Variants in RASGRF2 observed in about 807,000 individuals in gnomAD.
The protein encoded by RASGRF2 is Ras protein specific guanine nucleotide releasing factor 2, also known as ras-specific guanine nucleotide-releasing factor 2.
In RASGRF2, 76 loss-of-function variants were observed where a neutral mutation model predicts 151.0. The observed-to-expected ratio is 0.50, with a 90% CI of 0.42 to 0.61. The LOEUF is 0.61. Ranked by LOEUF, RASGRF2 falls within the 20% of genes least tolerant of loss-of-function variation. RASGRF2 has a pLI of 0.00. For synonymous variants in RASGRF2, 504 were observed against 566.5 expected (o/e 0.89, Z 1.57); for missense variants, 1,148 against 1,564.6 (o/e 0.73, Z 4.49).
intron 2 of RASGRF2, among the ~76,000 whole-genome samples, chr5:81,055,315 T>C (rs1751160485): frequency 6.6e-6 from 1 of 152,176 alleles, no homozygotes; most frequent in South Asian, 2.1e-4. Flanking sequence ...ATACCTAATT[T>C]ATTGAGAGTT....
At chr5:81,166,628 G>A (rs1166966413) in intron 17 of RASGRF2, among the ~76,000 whole-genome samples, 3 of 149,078 alleles carry the variant, frequency 2.0e-5, no homozygotes, top group East Asian at 4.0e-4. Context: ...GTGCACAGAC[G>A]GGAGGGATTT....
chr5:81,200,931 G>T (rs565196975), intron 18 of RASGRF2, among the ~76,000 whole-genome samples: 1 of 152,164 alleles, frequency 6.6e-6, no homozygotes, highest in South Asian at 2.1e-4. Flanking sequence ...CAGTGTGAGT[G>T]TGTTGGGGGC....
At chr5:81,160,708 A>G (rs1387489085) in intron 17 of RASGRF2, among the ~76,000 whole-genome samples, 1 of 148,356 alleles carries the variant, frequency 6.7e-6, no homozygotes, top group African/African-American at 2.5e-5. Flanking sequence ...AATAATAATA[A>G]TAATAATAAT....
chr5:81,205,725 C>T (rs955541981), intron 19 of RASGRF2, among the ~76,000 whole-genome samples: 5 of 151,930 alleles, frequency 3.3e-5, no homozygotes, highest in Admixed American at 6.6e-5. Flanking sequence ...GGTTTGGGAC[C>T]GTTTAACTAT....
intron 17 of RASGRF2, among the ~76,000 whole-genome samples, chr5:81,163,915 G>A (rs1754445047): frequency 6.6e-6 from 1 of 152,158 alleles, no homozygotes. Flanking sequence ...TACTTCATGA[G>A]GTTAGTGTGG....
chr5:81,006,605 C>T (rs912329682), intron 1 of RASGRF2, among the ~76,000 whole-genome samples: 9 of 152,114 alleles, frequency 5.9e-5, no homozygotes, highest in African/African-American at 2.2e-4. Flanking sequence ...ATGCTTATTC[C>T]CTTTGCTGGG....
chr5:81,099,947 G>T (rs1236578918), intron 12 of RASGRF2, among the ~76,000 whole-genome samples: 2 of 130,866 alleles, frequency 1.5e-5, no homozygotes, highest in Non-Finnish European at 1.5e-5. Flanking sequence ...TCGCCCTGTC[G>T]CCCAGGCTGG....
Position 81,089,337 on chromosome 5 carries a change from C to CGT in RASGRF2, c.1390+2398_1390+2399dup, listed in dbSNP as rs139154322. Among the ~76,000 whole-genome samples the CGT allele has an allele frequency of 2.3e-3, 351 of 150,262 alleles. 2 individuals carry two copies. The highest frequency in any genetic ancestry group is 0.019 in the South Asian group (93 of 4,772). On this transcript the variant is annotated intron_variant, in intron 9 of 26. Transcript: ENST00000265080. ...ATGATATGTGGTCTATTTCTATGTGCGTGTGTGTGTGTGTGCATGCGTGCA... is the reference window on the plus strand; with the variant it reads ...ATGATATGTGGTCTATTTCTATGTGCGTGTGTGTGTGTGTGTGCATGCGTGCA...
intron 23 of RASGRF2, among the ~76,000 whole-genome samples, chr5:81,213,819 G>A (rs1233879195): frequency 6.6e-6 from 1 of 151,812 alleles, no homozygotes; most frequent in Non-Finnish European, 1.5e-5. Context: ...CAATGGACCT[G>A]GTAAATAAAA....
intron 23 of RASGRF2, among the ~76,000 whole-genome samples, chr5:81,214,139 C>T (rs1032690016): frequency 2.0e-5 from 3 of 152,194 alleles, no homozygotes; most frequent in Non-Finnish European, 2.9e-5. Context: ...ATATTCTTGT[C>T]TTTGATAGGA....
Position 81,092,904 on chromosome 5 carries a change from T to C in RASGRF2, c.1494T>C (p.Phe498=). Residue 498 remains phenylalanine (F), a synonymous_variant, in exon 10 of 27, where the codon TTT becomes TTC. Transcript: ENST00000265080. The stretch of plus-strand genomic sequence containing the variant: ...AAGGAGAGAGACAATGCTTCTTATT[T>C]ACAAAACACTTTTTAATATGTACAA... ...KKEGERQCFL[F]TKHFLICTRS... 6.2e-7 allele frequency: 1 copy of C among 1,613,118 alleles called. No homozygotes were observed. The highest frequency in any genetic ancestry group is 1.1e-5 in the South Asian group (1 of 91,044).
chr5:81,060,671 A>C (rs1751402803), intron 2 of RASGRF2, among the ~76,000 whole-genome samples: 1 of 152,158 alleles, frequency 6.6e-6, no homozygotes, highest in Admixed American at 6.5e-5. Context: ...TGACTCAAAG[A>C]ATCAATTTGG....
intron 26 of RASGRF2, among the ~76,000 whole-genome samples, chr5:81,223,643 A>G (rs1229665289): frequency 2.7e-5 from 4 of 146,062 alleles, no homozygotes; most frequent in Admixed American, 1.4e-4. Context: ...TCCGTCTCAG[A>G]AAAAAAAAAA....
chr5:81,031,440 A>G (rs529891054), intron 1 of RASGRF2, among the ~76,000 whole-genome samples: 3 of 152,352 alleles, frequency 2.0e-5, no homozygotes, highest in Admixed American at 6.5e-5. Flanking sequence ...AGAAATTATA[A>G]CAAACTGTCT....
At chr5:81,102,273 G>A (rs1039304823) in intron 12 of RASGRF2, among the ~76,000 whole-genome samples, 1 of 152,194 alleles carries the variant, frequency 6.6e-6, no homozygotes, top group African/African-American at 2.4e-5. Context: ...TCTATTTAAA[G>A]TCTGGGCATT....
intron 1 of RASGRF2, among the ~76,000 whole-genome samples, chr5:81,028,415 G>A (rs571683630): frequency 6.6e-6 from 1 of 151,624 alleles, no homozygotes; most frequent in Non-Finnish European, 1.5e-5. Context: ...CTGGTAATCT[G>A]GTGTTTTAGA....
At chr5:81,094,268 T>C in intron 10 of RASGRF2, 28 bp from the exon 11 acceptor site, 1 of 1,589,698 alleles carries the variant, frequency 6.3e-7, no homozygotes, top group Non-Finnish European at 8.6e-7. Flanking sequence ...ACCTTCAGCG[T>C]CTTAGTGAAA....
At position 81,128,298 on chromosome 5, in the gene RASGRF2, A is replaced by G. The variant is rs529494829; in HGVS notation, c.2686+1135A>G. Among the ~76,000 whole-genome samples the G allele has an allele frequency of 2.6e-5, 4 of 152,312 alleles. No individual in the cohort carries two copies. The East Asian group carries it at 5.8e-4, about 22-fold the overall frequency. On this transcript the variant is annotated intron_variant, in intron 17 of 26. Transcript: ENST00000265080. ...GATTTTAGATGCTCTCCCCACAAAA[A>G]AATGGTAAGTGAGGTAACAGATGTT...
chr5:81,197,662 C>T (rs1755297418), intron 18 of RASGRF2, among the ~76,000 whole-genome samples: 1 of 152,034 alleles, frequency 6.6e-6, no homozygotes, highest in South Asian at 2.1e-4. Context: ...TGATTCGTTG[C>T]AATTAACAAT....
Sources: gnomAD v4.1 joint callset for allele counts (sites outside exome capture counted in the v4.1 genomes callset) on GRCh38, gnomAD v4.1.1 for gene constraint, MANE v1.5 for transcripts, NCBI Gene and HGNC (gene_info 2026-07-23, HGNC 2026-07-21) for gene names.